Variants in TRPM4 observed in about 807,000 individuals in gnomAD.
TRPM4 encodes the protein calcium-activated non-selective cation channel 1.
Under a neutral mutation model 135.6 loss-of-function variants are expected in TRPM4, and 124 were observed. The ratio of observed to expected loss-of-function variants is 0.91; its 90% CI spans 0.79 to 1.06. The LOEUF (loss-of-function observed/expected upper bound fraction) is 1.06, where lower values mean the gene tolerates loss of function less well. Among genes scored for constraint, TRPM4 ranks in the 50% least tolerant of loss-of-function variants. The probability of loss-of-function intolerance (pLI) is 0.00; values close to 1 mark genes in which losing one functional copy is unlikely to be tolerated. For missense variants in TRPM4, 1,658 were observed against 1,671.4 expected (o/e 0.99, Z 0.14); for synonymous variants, 745 against 705.6 (o/e 1.06, Z -0.88).
chr19:49,184,323 C>T (rs879562006), intron 12 of TRPM4, among the ~76,000 whole-genome samples: 4 of 151,820 alleles, frequency 2.6e-5, no homozygotes, highest in Non-Finnish European at 5.9e-5. Context: ...TACTTAGCTT[C>T]AAATTCACTG....
At chr19:49,176,852 AAAAC>A (rs1332148851) in intron 9 of TRPM4, among the ~76,000 whole-genome samples, 3 of 152,178 alleles carry the variant, frequency 2.0e-5, no homozygotes, top group South Asian at 2.1e-4. Context: ...CTCTGTCTCA[AAAAC>A]AAACAATCAA....
At chr19:49,204,103 G>A (rs925033319) in intron 20 of TRPM4, among the ~76,000 whole-genome samples, 41 of 152,010 alleles carry the variant, frequency 2.7e-4, no homozygotes, top group African/African-American at 9.9e-4. Flanking sequence ...CTGGGCAACA[G>A]AGCGAGACTC....
intron 9 of TRPM4, among the ~76,000 whole-genome samples, chr19:49,180,809 C>T (rs1042940806): frequency 6.6e-6 from 1 of 151,950 alleles, no homozygotes; most frequent in African/African-American, 2.4e-5. Context: ...TCCATCTATC[C>T]ATCTATCCAC....
At position 49,210,205 on chromosome 19, in the gene TRPM4, G is replaced by GC; in HGVS notation, c.3132-3dup. 1 of 1,614,196 alleles carries GC rather than the reference G, an allele frequency of 6.2e-7. No homozygotes were observed. The highest frequency in any genetic ancestry group is 8.5e-7 in the Non-Finnish European group (1 of 1,180,044). On this transcript the variant is annotated splice_region_variant and splice_polypyrimidine_tract_variant and intron_variant, in intron 20 of 24. Transcript: ENST00000252826. The surrounding 1 kb of genome is among the most constrained non-coding windows in gnomAD (Gnocchi z 4.1). ...AAGTGACCTTTGACCTCTGGCCTTT[G>GC]CAGTTACACATTCGGCAAAGTACAG...
At position 49,211,677 on chromosome 19, in the gene TRPM4, C is replaced by A; in HGVS notation, c.*179C>A. On this transcript the variant is annotated 3_prime_UTR_variant, in exon 25 of 25. Coordinates refer to ENST00000252826, the MANE Select transcript of TRPM4 (RefSeq NM_017636.4). This position sits in a 1 kb window ranked among gnomAD's most constrained non-coding sequence, Gnocchi z 4.8. ...TCATCCTTACAAACCACAGCATGCC[C>A]GGCTCCTCCCAGAACCAGTCCCAGC... 2 of 800,276 alleles carry A rather than the reference C, an allele frequency of 2.5e-6. No homozygotes were observed. The highest frequency in any genetic ancestry group is 2.1e-6 in the Non-Finnish European group (1 of 473,116). The allele number at this position is 800,276 out of a possible 1,614,324, so 49.6% of individuals were successfully genotyped here.
At chr19:49,194,655 C>T (rs371768405) in intron 16 of TRPM4, among the ~76,000 whole-genome samples, 1,537 of 61,220 alleles carry the variant, frequency 0.025, 39 homozygotes, top group African/African-American at 0.1. Context: ...CTCTCTTTCT[C>T]TCTCTGTCCC....
At chr19:49,175,658 CTTTTTCTTTT>C (rs914585742) in intron 9 of TRPM4, among the ~76,000 whole-genome samples, 6 of 146,210 alleles carry the variant, frequency 4.1e-5, no homozygotes, top group Admixed American at 4.1e-4. Context: ...TTATTTCTTT[CTTTTTCTTTT>C]TTTTTTTTTT....
chr19:49,158,020 C>T, intron 1 of TRPM4, 130 bp downstream of exon 1: 1 of 1,292,496 alleles, frequency 7.7e-7, no homozygotes, highest in Non-Finnish European at 1.1e-6. Context: ...GTCCAGGTTC[C>T]AGGGTCCAGG....
intron 10 of TRPM4, among the ~76,000 whole-genome samples, chr19:49,182,242 ATCCATCCATCTG>A (rs1967982691): frequency 6.9e-6 from 1 of 144,348 alleles, no homozygotes; most frequent in Non-Finnish European, 1.5e-5. Flanking sequence ...CCATCTATCC[ATCCATCCATCTG>A]TCCATCCATT....
At chr19:49,187,186 C>A (rs1368218175) in intron 12 of TRPM4, among the ~76,000 whole-genome samples, 1 of 147,600 alleles carries the variant, frequency 6.8e-6, no homozygotes, top group African/African-American at 2.6e-5. Flanking sequence ...CTTCATTAAG[C>A]ATTTTCTTGT....
rs757329857 is a variant in TRPM4, at chr19:49,172,064, G to A, written c.1106G>A (p.Gly369Glu). Reference sequence around the variant, plus strand: ...CTGACAGTCTATTCTTCTGAGGATGGGTCTGAGGAATTCGAGACCATAGTT... The same window carrying A: ...CTGACAGTCTATTCTTCTGAGGATGAGTCTGAGGAATTCGAGACCATAGTT... ...ELLTVYSSED[G>E]SEEFETIVLK... is the part of the protein sequence containing the mutation. The change falls in exon 9 of 25, where the codon GGG (glycine) becomes GAG (glutamate). Residue 369 changes from glycine (G) to glutamate (E), a missense_variant. Physicochemically the swap from Gly to Glu is moderately conservative, Grantham distance 98. Coordinates refer to ENST00000252826, the MANE Select transcript of TRPM4 (RefSeq NM_017636.4). 2.5e-6 allele frequency: 4 copies of A among 1,614,008 alleles called. No individual in the cohort carries two copies. The highest frequency in any genetic ancestry group is 3.4e-6 in the Non-Finnish European group (4 of 1,179,958).
rs572697302 is a variant in TRPM4, at chr19:49,167,839, C to T, written c.268-78C>T. On this transcript the variant is annotated intron_variant, in intron 3 of 24. Transcript: ENST00000252826. ...CCCCGTCTCTCTGGGTCTCTGTCCC[C>T]GTCTCTCTGGGTCTCTGTCCCCGTC... 1.4e-5 allele frequency: 18 copies of T among 1,280,900 alleles called. 1 individual carries two copies. Among genetic ancestry groups the T allele is most frequent in the Non-Finnish European group, 1.5e-5 (14 of 911,886 alleles). The allele number at this position is 1,280,900 out of a possible 1,614,324, so 79.3% of individuals were successfully genotyped here. A position where few individuals can be genotyped will look rare whatever the true frequency, so the allele number is the denominator to read the frequency against.
At chr19:49,197,979 G>A (rs1445591742) in intron 17 of TRPM4, among the ~76,000 whole-genome samples, 9 of 151,812 alleles carry the variant, frequency 5.9e-5, no homozygotes, top group South Asian at 2.1e-4. Context: ...GTGGGTCACC[G>A]TGCCTGGCCA....
chr19:49,206,457 G>C (rs1383081877), intron 20 of TRPM4, among the ~76,000 whole-genome samples: 1 of 122,700 alleles, frequency 8.1e-6, no homozygotes, highest in Non-Finnish European at 1.7e-5. Flanking sequence ...TCTTTTTTTT[G>C]AGACAGAGTT....
chr19:49,188,848 T>G, intron 13 of TRPM4, 78 bp downstream of exon 13: 1 of 1,612,898 alleles, frequency 6.2e-7, no homozygotes, highest in East Asian at 2.2e-5. Flanking sequence ...ACTCCTCACA[T>G]ATCCCTGCGC....
In TRPM4 at chr19:49,210,685, C is replaced by T; in HGVS notation, c.3329-25C>T. Reference sequence around the variant, plus strand: ...GATTGGGAAGGGGCGTGGCCTGAGCCCTTTGACTCCGCCCGCCCCTGCAGG... The same window carrying T: ...GATTGGGAAGGGGCGTGGCCTGAGCTCTTTGACTCCGCCCGCCCCTGCAGG... On this transcript the variant is annotated intron_variant, in intron 21 of 24. Transcript: ENST00000252826. The surrounding 1 kb of genome is among the most constrained non-coding windows in gnomAD (Gnocchi z 4.1). The T allele has an allele frequency of 6.2e-7, 1 of 1,613,780 alleles. No individual in the cohort carries two copies. The highest frequency in any genetic ancestry group is 1.1e-5 in the South Asian group (1 of 90,974).
At position 49,182,916 on chromosome 19, in the gene TRPM4, G is replaced by A. The variant is rs1266800222; in HGVS notation, c.1602G>A (p.Gly534=). 6.3e-7 allele frequency: 1 copy of A among 1,593,104 alleles called. No individual in the cohort carries two copies. Among genetic ancestry groups the A allele is most frequent in the Non-Finnish European group, 8.5e-7 (1 of 1,170,138 alleles). The change falls in exon 11 of 25, where the codon GGG becomes GGA. Residue 534 remains glycine (G), a synonymous_variant. Coordinates refer to ENST00000252826, the MANE Select transcript of TRPM4 (RefSeq NM_017636.4). ...AWDPHPGQGF[G]ESMYLLSDKA... is the part of the protein sequence containing the mutation. ...ACCCTCACCCAGGCCAGGGCTTCGG[G>A]GAGAGCGTAAGGACCGGGCAAAGCT...
At chr19:49,186,901 C>T (rs572229244) in intron 12 of TRPM4, among the ~76,000 whole-genome samples, 10 of 151,632 alleles carry the variant, frequency 6.6e-5, no homozygotes, top group Non-Finnish European at 8.8e-5. Context: ...TTTTAACACA[C>T]ACTGCCTGGA....
At chr19:49,166,350 GC>G in intron 3 of TRPM4, 135 bp downstream of exon 3, 2 of 874,594 alleles carry the variant, frequency 2.3e-6, no homozygotes, top group Non-Finnish European at 1.7e-6. Context: ...TGTCCCCTCC[GC>G]CCCACCTATC....
Sources: allele counts gnomAD v4.1 joint callset (sites outside exome capture counted in the v4.1 genomes callset), GRCh38; gene constraint gnomAD v4.1.1; non-coding constraint Gnocchi (gnomAD v3.1); transcripts MANE v1.5; gene names NCBI Gene and HGNC (gene_info 2026-07-23, HGNC 2026-07-21).